The following LITAF variants were observed in gnomAD, a reference collection of about 807,000 sequenced individuals.
LITAF encodes lipopolysaccharide-induced tumor necrosis factor-alpha factor.
In LITAF, 9 loss-of-function variants were observed where a neutral mutation model predicts 14.5. That is an observed-to-expected ratio of 0.62 (90% CI 0.37 to 1.08). The LOEUF is 1.08. Ranked by LOEUF, LITAF falls within the 50% of genes least tolerant of loss-of-function variation. The pLI, the probability that LITAF is intolerant of heterozygous loss-of-function variation, is 0.01. For synonymous variants in LITAF, 98 were observed against 88.2 expected, an observed-to-expected ratio of 1.11 and a Z score of -0.62; for missense variants, 206 against 213.4, an observed-to-expected ratio of 0.97 and a Z score of 0.22.
intron 3 of LITAF, among the ~76,000 whole-genome samples, chr16:11,628,865 G>T (rs1405066795): frequency 2.6e-5 from 4 of 152,130 alleles, no homozygotes; most frequent in African/African-American, 9.7e-5. Context: ...TAGTAGAGAT[G>T]GAGTTTCGCC....
At chr16:11,619,252 A>G (rs954811609) in intron 3 of LITAF, among the ~76,000 whole-genome samples, 7 of 151,590 alleles carry the variant, frequency 4.6e-5, no homozygotes, top group African/African-American at 7.3e-5. Flanking sequence ...AAGAGGTTGC[A>G]GTGAGCCGAG....
At chr16:11,598,673 C>G (rs1204909206), upstream of LITAF, among the ~76,000 whole-genome samples, 1 of 152,100 alleles carries the variant, frequency 6.6e-6, no homozygotes, top group African/African-American at 2.4e-5. Context: ...AAAGTTCCCT[C>G]TGGTCTCTTT....
chr16:11,607,747 G>A (rs1349997742), intron 3 of LITAF, among the ~76,000 whole-genome samples: 1 of 152,048 alleles, frequency 6.6e-6, no homozygotes, highest in Non-Finnish European at 1.5e-5. Context: ...ACCAGACCAG[G>A]GTTCATCAAC....
At chr16:11,588,052 CCA>C (rs1466631924), upstream of LITAF, among the ~76,000 whole-genome samples, 1 of 152,136 alleles carries the variant, frequency 6.6e-6, no homozygotes, top group Non-Finnish European at 1.5e-5. Context: ...GTCCCCAGCC[CCA>C]AGTTCTTGCC....
chr16:11,567,540 C>T (rs1161302361), intron 1 of LITAF, among the ~76,000 whole-genome samples: 1 of 152,146 alleles, frequency 6.6e-6, no homozygotes, highest in Non-Finnish European at 1.5e-5. Flanking sequence ...GAAAAGCTGC[C>T]GCAGTCTCCA....
In LITAF at chr16:11,556,630, G is replaced by C. The variant is rs1366021115; in HGVS notation, c.101C>G (p.Pro34Arg). The C allele has an allele frequency of 6.2e-7, 1 of 1,614,214 alleles. No individual in the cohort carries two copies. The highest frequency in any genetic ancestry group is 1.6e-4 in the Middle Eastern group (1 of 6,062). The change falls in exon 2 of 4, where the codon CCC becomes CGC. Residue 34 changes from proline to arginine, a missense_variant. Transcript: ENST00000622633. ...EETVAVNSYY[P>R]TPPAPMPGPT... ...CCCAGGCATGGGAGCTGGAGGTGTG[G>C]GGTAATAACTGTTAACAGCCACTGT...
At chr16:11,608,317 G>A (rs989435124) in intron 3 of LITAF, among the ~76,000 whole-genome samples, 10 of 152,342 alleles carry the variant, frequency 6.6e-5, no homozygotes, top group East Asian at 5.8e-4. Context: ...GGAAAGGGAC[G>A]TAGCTGGATC....
chr16:11,630,172 C>A (rs1388937807), intron 3 of LITAF, among the ~76,000 whole-genome samples: 1 of 152,144 alleles, frequency 6.6e-6, no homozygotes, highest in East Asian at 1.9e-4. Context: ...GGCTCCAAAC[C>A]TCTGTGTTTG....
intron 1 of LITAF, among the ~76,000 whole-genome samples, chr16:11,576,534 CAAAA>C (rs66551972): frequency 7.9e-5 from 5 of 62,976 alleles, no homozygotes; most frequent in Admixed American, 1.7e-4. Flanking sequence ...TTACAATCTG[CAAAA>C]AAAAAAAAAA....
intron 1 of LITAF, among the ~76,000 whole-genome samples, chr16:11,579,656 T>C (rs538174878): frequency 2.3e-4 from 35 of 152,278 alleles, no homozygotes; most frequent in African/African-American, 8.4e-4. Flanking sequence ...CATCAGTTTC[T>C]TGGTTTGACA....
At position 11,549,384 on chromosome 16, in the gene LITAF, A is replaced by C. The variant is rs2064150140; in HGVS notation, c.*253T>G. 3.7e-6 allele frequency: 2 copies of C among 542,138 alleles called. No individual in the cohort carries two copies. Among genetic ancestry groups the C allele is most frequent in the Non-Finnish European group, 7.1e-6 (2 of 282,674 alleles). The allele number at this position is 542,138 out of a possible 1,614,324, so 33.6% of individuals were successfully genotyped here. ...GTTAGATGGCAGGACTCAGGGTCTC[A>C]GGGAGGCAGGAAACCGTGGAACTGA... On this transcript the variant is annotated 3_prime_UTR_variant, in exon 4 of 4. Coordinates refer to ENST00000622633, the MANE Select transcript of LITAF (RefSeq NM_001136472.2). The surrounding 1 kb of genome is among the most constrained non-coding windows in gnomAD (Gnocchi z 4.6).
chr16:11,624,660 C>T (rs1000441454), intron 3 of LITAF, among the ~76,000 whole-genome samples: 1 of 152,172 alleles, frequency 6.6e-6, no homozygotes, highest in African/African-American at 2.4e-5. Context: ...CCTATGTTTA[C>T]AGATTTATCA....
At chr16:11,600,419 G>C (rs2064919843), upstream of LITAF, among the ~76,000 whole-genome samples, 1 of 152,234 alleles carries the variant, frequency 6.6e-6, no homozygotes, top group African/African-American at 2.4e-5. This position sits in a 1 kb window ranked among gnomAD's most constrained non-coding sequence, Gnocchi z 4.1. Context: ...TGTGAGAGTG[G>C]CAGGAGGCAG....
Position 11,605,804 on chromosome 16 carries a change from C to T in LITAF, c.85+27729G>A, listed in dbSNP as rs568749565. 2.0e-5 allele frequency among the ~76,000 whole-genome samples: 3 copies of T among 152,184 alleles called. No homozygotes were observed. Among genetic ancestry groups the T allele is most frequent in the African/African-American group, 7.2e-5 (3 of 41,530 alleles). On this transcript the variant is annotated intron_variant, in intron 3 of 3. Transcript: ENST00000574848. The surrounding 1 kb of genome is among the most constrained non-coding windows in gnomAD (Gnocchi z 4.7). ...AGCAAGAGAGTTACCGTGAGAGCCC[C>T]GAGAGCTTCCCACACTACACATGTC... is the stretch of plus-strand genomic sequence containing the variant.
At position 11,553,576 on chromosome 16, in the gene LITAF, C is replaced by T. The variant is rs104894519; in HGVS notation, c.334G>A (p.Gly112Ser). ...CCGCAGGACAGCCAGGTCAGAGCAC[C>T]GGCGTTATAGGACAGCTGACTCACG... ...MIVSQLSYNA[G>S]ALTWLSCGSL... Residue 112 changes from glycine (G) to serine (S), a missense_variant, in exon 3 of 4, where the codon GGT (glycine) becomes AGT (serine). Coordinates refer to ENST00000622633, the MANE Select transcript of LITAF (RefSeq NM_001136472.2). This position sits in a 1 kb window ranked among gnomAD's most constrained non-coding sequence, Gnocchi z 7.7. 1 of 1,614,082 alleles carries T rather than the reference C, an allele frequency of 6.2e-7. No homozygotes were observed. The highest frequency in any genetic ancestry group is 8.5e-7 in the Non-Finnish European group (1 of 1,180,018).
At chr16:11,625,469 C>T (rs2065078184) in intron 3 of LITAF, among the ~76,000 whole-genome samples, 1 of 151,980 alleles carries the variant, frequency 6.6e-6, no homozygotes, top group African/African-American at 2.4e-5. Flanking sequence ...CGCCATGTTG[C>T]CTAGGCTGGT....
upstream of LITAF, among the ~76,000 whole-genome samples, chr16:11,637,974 CTATATATATCTA>C (rs1247926730): frequency 0.017 from 533 of 31,612 alleles, 158 homozygotes; most frequent in African/African-American, 0.13. Context: ...ATCTATATAT[CTATATATATCTA>C]TATATATCTA....
At chr16:11,570,627 T>G (rs59677258) in intron 1 of LITAF, among the ~76,000 whole-genome samples, 38 of 152,240 alleles carry the variant, frequency 2.5e-4, no homozygotes, top group African/African-American at 8.9e-4. Context: ...TTAAGAATCT[T>G]GAGATGAGGG....
chr16:11,583,481 G>C (rs1472016089), intron 1 of LITAF, among the ~76,000 whole-genome samples: 1 of 152,176 alleles, frequency 6.6e-6, no homozygotes, highest in Admixed American at 6.5e-5. Flanking sequence ...ATACAAAATT[G>C]TATGAACGCT....
Sources: allele counts gnomAD v4.1 joint callset (sites outside exome capture counted in the v4.1 genomes callset), GRCh38; gene constraint gnomAD v4.1.1; non-coding constraint Gnocchi (gnomAD v3.1); transcripts MANE v1.5; gene names NCBI Gene and HGNC (gene_info 2026-07-23, HGNC 2026-07-21).